The following ELAVL1 variants were observed in gnomAD, a reference collection of about 807,000 sequenced individuals.
The protein encoded by ELAVL1 is ELAV like RNA binding protein 1.
ELAVL1 carries 1 observed loss-of-function variant against 28.4 expected under a neutral mutation model. The ratio of observed to expected loss-of-function variants is 0.04; its 90% CI spans 0.01 to 0.17. The LOEUF is 0.17. Ranked by LOEUF, ELAVL1 falls within the 10% of genes least tolerant of loss-of-function variation. The pLI, the probability that ELAVL1 is intolerant of heterozygous loss-of-function variation, is 1.00. For synonymous variants in ELAVL1, 174 were observed against 183.5 expected (o/e 0.95, Z 0.42); for missense variants, 157 against 447.2 (o/e 0.35, Z 5.85).
At chr19:7,995,231 C>T (rs1027638211) in intron 1 of ELAVL1, among the ~76,000 whole-genome samples, 35 of 152,244 alleles carry the variant, frequency 2.3e-4, no homozygotes, top group African/African-American at 7.5e-4. Flanking sequence ...AGGGTTAACA[C>T]TGAAGAATTA....
rs910870877 is a variant in ELAVL1 at position 7,981,396 on chromosome 19, C to T, written c.173-210G>A. 6.7e-6 allele frequency among the ~76,000 whole-genome samples: 1 copy of T among 150,144 alleles called. No homozygotes were observed. On this transcript the variant is annotated intron_variant, in intron 2 of 5. Transcript: ENST00000407627. The surrounding 1 kb of genome is among the most constrained non-coding windows in gnomAD (Gnocchi z 4.2). ...TTAAAGAGATAGGATCTTGCTCTGT[C>T]ACCCAGGGTGGAGTCCAGCGCTGTG...
intron 3 of ELAVL1, among the ~76,000 whole-genome samples, chr19:7,974,310 C>T (rs1985216699): frequency 6.6e-6 from 1 of 152,376 alleles, no homozygotes; most frequent in African/African-American, 2.4e-5. Context: ...AGAGCAAGCT[C>T]GCCACAGAAG....
chr19:7,968,266 C>G (rs1051402936), intron 4 of ELAVL1, among the ~76,000 whole-genome samples: 1 of 152,172 alleles, frequency 6.6e-6, no homozygotes, highest in African/African-American at 2.4e-5. Flanking sequence ...TCTCTGGGCC[C>G]GCTGTGACAG....
Position 7,982,411 on chromosome 19 carries a change from T to A in ELAVL1, c.173-1225A>T, listed in dbSNP as rs773946492. ...AACAGGAGGTGGCCTGGAGCCCCAC[T>A]GAGGCAGAGATCCTCCTGGCAGCTG... On this transcript the variant is annotated intron_variant, in intron 2 of 5. Transcript: ENST00000407627. This position sits in a 1 kb window ranked among gnomAD's most constrained non-coding sequence, Gnocchi z 4.3. Among the ~76,000 whole-genome samples the A allele has an allele frequency of 6.6e-6, 1 of 152,168 alleles. No individual in the cohort carries two copies. The highest frequency in any genetic ancestry group is 1.5e-5 in the Non-Finnish European group (1 of 68,032).
chr19:7,969,187 T>C (rs1339328249), intron 4 of ELAVL1, among the ~76,000 whole-genome samples: 2 of 152,176 alleles, frequency 1.3e-5, no homozygotes, highest in Non-Finnish European at 2.9e-5. Flanking sequence ...GACAACACAG[T>C]AAGATCTCAC....
In ELAVL1 at chr19:7,962,044, A is replaced by G. The variant is rs1984826929; in HGVS notation, c.*1439T>C. Reference sequence around the variant, plus strand: ...TCCCAGTCCTGAGGAGTTTTGGGTGATCTGGCCCTGCCTATTTCACAGGCT... The same window carrying G: ...TCCCAGTCCTGAGGAGTTTTGGGTGGTCTGGCCCTGCCTATTTCACAGGCT... On this transcript the variant is annotated 3_prime_UTR_variant, in exon 6 of 6. Transcript: ENST00000407627. 1.3e-5 allele frequency: 2 copies of G among 153,592 alleles called. No homozygotes were observed. Among genetic ancestry groups the G allele is most frequent in the African/African-American group, 4.8e-5 (2 of 41,408 alleles). 9.5% of individuals were successfully genotyped at this position (153,592 alleles called of 1,614,324 possible).
chr19:7,974,021 C>T, intron 3 of ELAVL1, 143 bp from the exon 4 acceptor site: 1 of 1,117,278 alleles, frequency 9.0e-7, no homozygotes, highest in Non-Finnish European at 1.2e-6. Context: ...ACGCTCACCG[C>T]CTGCAGCCGC....
chr19:8,004,288 T>C (rs2081079403), intron 1 of ELAVL1, among the ~76,000 whole-genome samples: 1 of 152,200 alleles, frequency 6.6e-6, no homozygotes, highest in African/African-American at 2.4e-5. Flanking sequence ...TCCCATTTTA[T>C]AGATAAGAAA....
rs1385718060 is a variant in ELAVL1, at chr19:7,960,144, C to T, written c.*3339G>A. On this transcript the variant is annotated 3_prime_UTR_variant, in exon 6 of 6. Transcript: ENST00000407627. The stretch of plus-strand genomic sequence containing the variant: ...AGCAAACCGGGTCAAGGAATTGCCA[C>T]TAACCGTCTTCGGGTGCTTCTATTT... 6.6e-6 allele frequency: 1 copy of T among 152,344 alleles called. No homozygotes were observed. Among genetic ancestry groups the T allele is most frequent in the African/African-American group, 2.4e-5 (1 of 41,586 alleles). The allele number at this position is 152,344 out of a possible 1,614,324, so 9.4% of individuals were successfully genotyped here. A position where few individuals can be genotyped will look rare whatever the true frequency, so the allele number is the denominator to read the frequency against.
At chr19:7,965,271 G>A (rs1345418748) in intron 5 of ELAVL1, among the ~76,000 whole-genome samples, 1 of 152,064 alleles carries the variant, frequency 6.6e-6, no homozygotes, top group East Asian at 1.9e-4. Flanking sequence ...AAGAAGAAAG[G>A]GTCTATGTTG....
chr19:7,980,566 G>C (rs993137817), intron 3 of ELAVL1, among the ~76,000 whole-genome samples: 26 of 152,200 alleles, frequency 1.7e-4, no homozygotes, highest in Non-Finnish European at 3.7e-4. Flanking sequence ...CTGCTGCACA[G>C]TTGGCTTCCT....
intron 1 of ELAVL1, among the ~76,000 whole-genome samples, chr19:7,996,126 T>C (rs533896995): frequency 1.5e-3 from 222 of 152,224 alleles, no homozygotes; most frequent in African/African-American, 4.8e-3. Flanking sequence ...TCCTCCCATC[T>C]TGGCCTCTCA....
At chr19:7,970,417 A>T (rs1000800396) in intron 4 of ELAVL1, among the ~76,000 whole-genome samples, 4 of 152,144 alleles carry the variant, frequency 2.6e-5, no homozygotes, top group African/African-American at 9.7e-5. Flanking sequence ...GGCCTCCCAA[A>T]GTGCTGGGAT....
intron 1 of ELAVL1, among the ~76,000 whole-genome samples, chr19:8,001,855 A>G (rs575033801): frequency 7.4e-4 from 113 of 152,174 alleles, no homozygotes; most frequent in African/African-American, 2.6e-3. Flanking sequence ...AATATCAACC[A>G]CGTGCCAGGC....
In ELAVL1 at chr19:7,995,305, T is replaced by C. The variant is rs187273460; in HGVS notation, c.-16-3474A>G. Among the ~76,000 whole-genome samples, 7 of 152,354 alleles carry C rather than the reference T, an allele frequency of 4.6e-5. No individual in the cohort carries two copies. The East Asian group carries it at 1.3e-3, about 29-fold the overall frequency. On this transcript the variant is annotated intron_variant, in intron 1 of 5. Transcript: ENST00000407627. ...ATTTCCCTTCTTTCTTTCTCTTTTTTCCTTTACCTTTCCTTCTCCTCGCCC... is the reference window on the plus strand; with the variant it reads ...ATTTCCCTTCTTTCTTTCTCTTTTTCCCTTTACCTTTCCTTCTCCTCGCCC...
chr19:7,997,565 T>C (rs2081053755), intron 1 of ELAVL1, among the ~76,000 whole-genome samples: 2 of 152,142 alleles, frequency 1.3e-5, no homozygotes, highest in Admixed American at 6.5e-5. Flanking sequence ...ATCTTTATTA[T>C]GGTGGTAATC....
chr19:7,996,183 C>CTTTT (rs35350359), intron 1 of ELAVL1, among the ~76,000 whole-genome samples: 1 of 141,124 alleles, frequency 7.1e-6, no homozygotes, highest in African/African-American at 2.6e-5. Context: ...ACCCAGAACC[C>CTTTT]TTTTTTTTTT....
rs546287458 is a variant in ELAVL1 at position 7,991,099 on chromosome 19, T to C, written c.172+545A>G. On this transcript the variant is annotated intron_variant, in intron 2 of 5. Transcript: ENST00000407627. The stretch of plus-strand genomic sequence containing the variant: ...TGCCAGGCTCCTGCCCCTCTGAGAG[T>C]TCAAGCTCAGCATGGTGCAGAAGTT... 2.1e-3 allele frequency among the ~76,000 whole-genome samples: 319 copies of C among 151,572 alleles called. 1 individual carries two copies. The highest frequency in any genetic ancestry group is 7.5e-3 in the African/African-American group (310 of 41,302).
rs866880514 is a variant in ELAVL1 at position 7,981,372 on chromosome 19, T to A, written c.173-186A>T. Among the ~76,000 whole-genome samples the A allele has an allele frequency of 1.6e-4, 23 of 141,492 alleles. No individual in the cohort carries two copies. Among genetic ancestry groups the A allele is most frequent in the African/African-American group, 3.1e-4 (12 of 39,106 alleles). The allele number at this position is 141,492 out of a possible 152,430, so 92.8% of individuals were successfully genotyped here. A position where few individuals can be genotyped will look rare whatever the true frequency, so the allele number is the denominator to read the frequency against. ...ACAGGTTCCTTTTTTTTTTTTTTTTTAAAGAGATAGGATCTTGCTCTGTCA... is the reference window on the plus strand; with the variant it reads ...ACAGGTTCCTTTTTTTTTTTTTTTTAAAAGAGATAGGATCTTGCTCTGTCA... On this transcript the variant is annotated intron_variant, in intron 2 of 5. Coordinates refer to ENST00000407627, the MANE Select transcript of ELAVL1 (RefSeq NM_001419.3). This position sits in a 1 kb window ranked among gnomAD's most constrained non-coding sequence, Gnocchi z 4.2.
Sources: allele counts gnomAD v4.1 joint callset (sites outside exome capture counted in the v4.1 genomes callset), GRCh38; gene constraint gnomAD v4.1.1; non-coding constraint Gnocchi (gnomAD v3.1); transcripts MANE v1.5; gene names NCBI Gene and HGNC (gene_info 2026-07-23, HGNC 2026-07-21).